P2RX2: variants seen among roughly 807,000 people sequenced by gnomAD.
The protein encoded by P2RX2 is purinergic receptor P2X 2, also known as P2X purinoceptor 2.
A neutral mutation model predicts 54.8 loss-of-function variants in P2RX2; 50 were observed. The ratio of observed to expected loss-of-function variants is 0.91; its 90% confidence interval spans 0.73 to 1.15. The LOEUF is 1.15. Ranked by LOEUF, P2RX2 falls within the 50% of genes most tolerant of loss-of-function variation. The probability of loss-of-function intolerance (pLI) is 0.00; values close to 1 mark genes in which losing one functional copy is unlikely to be tolerated. For synonymous variants in P2RX2, 289 were observed against 259.4 expected (o/e 1.11, Z -1.09); for missense variants, 658 against 633.2 (o/e 1.04, Z -0.42).
chr12:132,621,084 G>T lies in P2RX2; in HGVS notation c.858G>T (p.Arg286=), dbSNP rs747546145. The change falls in exon 8 of 11, where the codon CGG becomes CGT. Residue 286 remains arginine, a synonymous_variant. Coordinates refer to ENST00000643471, the MANE Select transcript of P2RX2 (RefSeq NM_170682.4). ...AGTGCAACCCCAAGTACTCCTTCCG[G>T]AGGCTTGACCCCAAGCACGTGCCTG... The part of the protein sequence containing the change: ...ASECNPKYSF[R]RLDPKHVPAS... 2.5e-6 allele frequency: 4 copies of T among 1,614,036 alleles called. No homozygotes were observed. Among genetic ancestry groups the T allele is most frequent in the Non-Finnish European group, 3.4e-6 (4 of 1,180,010 alleles).
chr12:132,620,838 G>T (rs2041635208), intron 7 of P2RX2, among the ~76,000 whole-genome samples, 163 bp from the exon 8 acceptor site: 1 of 152,038 alleles, frequency 6.6e-6, no homozygotes, highest in Non-Finnish European at 1.5e-5. Context: ...TGCCCCATGG[G>T]CCCCTCAGTG....
chr12:132,621,406 G>A (rs577212217), intron 9 of P2RX2, 61 bp downstream of exon 9: 39 of 1,605,866 alleles, frequency 2.4e-5, no homozygotes, highest in Middle Eastern at 1.7e-4. Context: ...AGCTCCTCAC[G>A]CCCCACCCCT....
At position 132,620,575 on chromosome 12, in the gene P2RX2, G is replaced by T; in HGVS notation, c.766G>T (p.Ala256Ser). 1 of 1,612,372 alleles carries T rather than the reference G, an allele frequency of 6.2e-7. No homozygotes were observed. ...EKAGESFTEL[A>S]HKGGVIGVII... ...GGCTGGGGAGAGCTTCACAGAGCTC[G>T]CACACAAGGCAGGGCAAGCGCAGGC... Residue 256 changes from alanine (A) to serine (S), a missense_variant, in exon 7 of 11, where the codon GCA becomes TCA. By Grantham distance (99) the Ala-to-Ser change is moderately conservative (BLOSUM62 1). Coordinates refer to ENST00000643471, the MANE Select transcript of P2RX2 (RefSeq NM_170682.4).
Position 132,622,198 on chromosome 12 carries a change from C to A in P2RX2, c.*226C>A. The stretch of plus-strand genomic sequence containing the variant: ...TCCTCCCCAGCTGGTCCCTACAGGG[C>A]TGCTCACTTCCCATCACCTCTCACA... On this transcript the variant is annotated 3_prime_UTR_variant, in exon 11 of 11. Transcript: ENST00000643471. 1.4e-6 allele frequency: 2 copies of A among 1,412,414 alleles called. No homozygotes were observed. The highest frequency in any genetic ancestry group is 1.8e-6 in the Non-Finnish European group (2 of 1,088,124). 87.5% of individuals were successfully genotyped at this position (1,412,414 alleles called of 1,614,324 possible).
intron 5 of P2RX2, 40 bp from the exon 6 acceptor site, chr12:132,620,227 C>G (rs374660957): frequency 1.9e-6 from 3 of 1,577,204 alleles, no homozygotes; most frequent in African/African-American, 1.3e-5. Flanking sequence ...GGGGGCTTTG[C>G]GGGAAGAGGG....
At chr12:132,620,655 G>T (rs1408144839) in intron 7 of P2RX2, 72 bp downstream of exon 7, 1 of 1,503,074 alleles carries the variant, frequency 6.7e-7, no homozygotes, top group Non-Finnish European at 9.1e-7. Flanking sequence ...GGGTACAGGG[G>T]ACCAGTCCCT....
intron 2 of P2RX2, 29 bp from the exon 3 acceptor site, chr12:132,619,650 G>T (rs772555694): frequency 1.3e-6 from 2 of 1,582,342 alleles, no homozygotes; most frequent in Non-Finnish European, 1.7e-6. Context: ...GCTGCCGCCT[G>T]GCCGACCGCC....
chr12:132,619,314 C>A (rs1022867214), intron 1 of P2RX2, 125 bp from the exon 2 acceptor site: 2 of 1,013,238 alleles, frequency 2.0e-6, no homozygotes, highest in Non-Finnish European at 2.7e-6. Flanking sequence ...GGACCGAGGG[C>A]GCGGGGCAGG....
rs1005850083 is a variant in P2RX2 at position 132,620,045 on chromosome 12, A to G, written c.503A>G (p.Lys168Arg). 9 of 1,590,364 alleles carry G rather than the reference A, an allele frequency of 5.7e-6. No homozygotes were observed. Among genetic ancestry groups the G allele is most frequent in the African/African-American group, 5.4e-5 (4 of 74,614 alleles). Reference protein sequence around the residue: ...RCVPYYQGPSKTCEVFGWCPV... With the variant: ...RCVPYYQGPSRTCEVFGWCPV... ...GTGCCCTATTACCAGGGGCCCTCCA[A>G]GACCTGCGAGGTGTTCGGCTGGTGC... is the stretch of plus-strand genomic sequence containing the variant. Residue 168 changes from lysine to arginine, a missense_variant, in exon 5 of 11, where the codon AAG becomes AGG. Transcript: ENST00000643471.
chr12:132,620,704 A>T, intron 7 of P2RX2, 121 bp downstream of exon 7: 1 of 1,038,974 alleles, frequency 9.6e-7, no homozygotes, highest in Admixed American at 3.3e-5. Flanking sequence ...AGGCAGAGGA[A>T]AAGAAATGCG....
intron 6 of P2RX2, 38 bp downstream of exon 6, chr12:132,620,385 G>A (rs1221446371): frequency 6.2e-7 from 1 of 1,614,002 alleles, no homozygotes; most frequent in Non-Finnish European, 8.5e-7. Context: ...CCAGCCTGAG[G>A]GCTGCCTTCT....
At position 132,620,988 on chromosome 12, in the gene P2RX2, T is replaced by C. The variant is rs1464711713; in HGVS notation, c.775-13T>C. On this transcript the variant is annotated splice_polypyrimidine_tract_variant and intron_variant, in intron 7 of 10. Transcript: ENST00000643471. The stretch of plus-strand genomic sequence containing the variant: ...TGCCCTCCTGACCCCCTTCTCTGGC[T>C]CCTTCTTGGCAGGGTGGTGTCATCG... 6.2e-7 allele frequency: 1 copy of C among 1,612,290 alleles called. No homozygotes were observed. The highest frequency in any genetic ancestry group is 2.2e-5 in the East Asian group (1 of 44,800).
rs764067621 is a variant in P2RX2, at chr12:132,621,750, A to T, written c.1194A>T (p.Val398=). ...SGSWPVTLAR[V]LGQAPPEPGH... ...GCTGGCCTGTGACCCTTGCCCGTGTATTGGGCCAGGCCCCTCCCGAACCCG... is the reference window on the plus strand; with the variant it reads ...GCTGGCCTGTGACCCTTGCCCGTGTTTTGGGCCAGGCCCCTCCCGAACCCG... Residue 398 remains valine, a synonymous_variant, in exon 11 of 11, where the codon GTA becomes GTT. Transcript: ENST00000643471. 4.4e-6 allele frequency: 7 copies of T among 1,607,748 alleles called. No individual in the cohort carries two copies. Among genetic ancestry groups the T allele is most frequent in the Non-Finnish European group, 8.5e-7 (1 of 1,176,576 alleles).
At position 132,621,464 on chromosome 12, in the gene P2RX2, A is replaced by T; in HGVS notation, c.997-11A>T. ...GTCAGACATTCTGACCACGACCCCC[A>T]TTCTCCCCAGGCCGGGAAGTTCAGC... is the stretch of plus-strand genomic sequence containing the variant. On this transcript the variant is annotated splice_polypyrimidine_tract_variant and intron_variant, in intron 9 of 10. Coordinates refer to ENST00000643471, the MANE Select transcript of P2RX2 (RefSeq NM_170682.4). The T allele has an allele frequency of 6.4e-7, 1 of 1,569,218 alleles. No individual in the cohort carries two copies. Among genetic ancestry groups the T allele is most frequent in the Non-Finnish European group, 8.7e-7 (1 of 1,155,870 alleles).
At chr12:132,621,407 C>T in intron 9 of P2RX2, 62 bp downstream of exon 9, 1 of 1,596,952 alleles carries the variant, frequency 6.3e-7, no homozygotes, top group Non-Finnish European at 8.6e-7. Flanking sequence ...GCTCCTCACG[C>T]CCCACCCCTC....
Position 132,618,897 on chromosome 12 carries a change from C to CTACG in P2RX2, c.82_85dup (p.Glu29ValfsTer244). ...GGGGCTGCTGGTCCGCCCTCTGGGACTACGAGACGCCCAAGGTGATCGTGG... is the reference window on the plus strand; with the variant it reads ...GGGGCTGCTGGTCCGCCCTCTGGGACTACGTACGAGACGCCCAAGGTGATCGTGG... On this transcript the variant is annotated frameshift_variant, in exon 1 of 11. Coordinates refer to ENST00000643471, the MANE Select transcript of P2RX2 (RefSeq NM_170682.4). LOFTEE classifies it high-confidence loss of function. 1 of 1,365,768 alleles carries CTACG rather than the reference C, an allele frequency of 7.3e-7. No individual in the cohort carries two copies. The highest frequency in any genetic ancestry group is 2.0e-5 in the South Asian group (1 of 50,190). 84.6% of individuals were successfully genotyped at this position (1,365,768 alleles called of 1,614,324 possible).
chr12:132,621,594 A>T, intron 10 of P2RX2, 25 bp from the exon 11 acceptor site: 1 of 1,611,452 alleles, frequency 6.2e-7, no homozygotes, highest in Non-Finnish European at 8.5e-7. Context: ...CCAGGCCCTT[A>T]CACACCGGTC....
At chr12:132,619,408 C>T in intron 1 of P2RX2, 31 bp from the exon 2 acceptor site, 1 of 1,610,310 alleles carries the variant, frequency 6.2e-7, no homozygotes, top group Non-Finnish European at 8.5e-7. Flanking sequence ...CCCAGGGTCG[C>T]CTCCGGAGCC....
chr12:132,618,825 C>T lies in P2RX2; in HGVS notation c.9C>T (p.Ala3=), dbSNP rs186684886. Residue 3 remains alanine, a synonymous_variant, in exon 1 of 11, where the codon GCC becomes GCT. Coordinates refer to ENST00000643471, the MANE Select transcript of P2RX2 (RefSeq NM_170682.4). The part of the protein sequence containing the change: MA[A]AQPKYPAGAT... ...TGGGGGCCGCCCGCGCCATGGCCGC[C>T]GCCCAGCCCAAGTACCCCGCCGGGG... 4.6e-3 allele frequency: 5,875 copies of T among 1,283,212 alleles called. 238 individuals carry two copies. In the African/African-American group the frequency reaches 0.079, roughly 17 times the overall value. The allele number at this position is 1,283,212 out of a possible 1,614,324, so 79.5% of individuals were successfully genotyped here.
Sources: gnomAD v4.1 joint callset for allele counts (sites outside exome capture counted in the v4.1 genomes callset) on GRCh38, gnomAD v4.1.1 for gene constraint, MANE v1.5 for transcripts, NCBI Gene and HGNC (gene_info 2026-07-23, HGNC 2026-07-21) for gene names.